RYR2: variants seen among roughly 807,000 people sequenced by gnomAD.
RYR2 encodes the protein ryanodine receptor 2.
A neutral mutation model predicts 601.1 loss-of-function variants in RYR2; 227 were observed. The observed-to-expected ratio is 0.38, with a 90% CI of 0.34 to 0.42. The LOEUF (loss-of-function observed/expected upper bound fraction) is 0.42, where lower values mean the gene tolerates loss of function less well. Among genes scored for constraint, RYR2 ranks in the 10% least tolerant of loss-of-function variants. The pLI is 1.00. For missense variants in RYR2, 4,646 were observed against 6,156.5 expected, an observed-to-expected ratio of 0.75 and a Z score of 8.21; for synonymous variants, 2,223 against 2,175.1, an observed-to-expected ratio of 1.02 and a Z score of -0.61.
At chr1:237,214,970 C>A (rs1418711689) in intron 1 of RYR2, among the ~76,000 whole-genome samples, 1 of 152,092 alleles carries the variant, frequency 6.6e-6, no homozygotes, top group East Asian at 1.9e-4. Flanking sequence ...TGGTATTGAG[C>A]AGGAGAAAGG....
chr1:237,778,128 G>A (rs1315814081), intron 87 of RYR2, among the ~76,000 whole-genome samples: 2 of 152,142 alleles, frequency 1.3e-5, no homozygotes, highest in Non-Finnish European at 2.9e-5. Context: ...AAATTAATAA[G>A]CAAGTATTAC....
chr1:237,614,860 A>C lies in RYR2; in HGVS notation c.5715+17A>C, dbSNP rs143787660. On this transcript the variant is annotated intron_variant, in intron 37 of 104. Transcript: ENST00000366574. This position sits in a 1 kb window ranked among gnomAD's most constrained non-coding sequence, Gnocchi z 4.3. Reference sequence around the variant, plus strand: ...AAATTGCAGGTAATCAGAACAAGAGACTTGAGTGAATTTCAGAATTGCTAA... The same window carrying C: ...AAATTGCAGGTAATCAGAACAAGAGCCTTGAGTGAATTTCAGAATTGCTAA... 6.5e-7 allele frequency: 1 copy of C among 1,536,782 alleles called. No homozygotes were observed. Among genetic ancestry groups the C allele is most frequent in the East Asian group, 2.3e-5 (1 of 44,282 alleles).
intron 1 of RYR2, among the ~76,000 whole-genome samples, chr1:237,114,641 A>ATG (rs1558258898): frequency 1.3e-5 from 2 of 152,218 alleles, no homozygotes; most frequent in Non-Finnish European, 2.9e-5. Context: ...GGGATAGAGC[A>ATG]TGACTCCACT....
intron 73 of RYR2, among the ~76,000 whole-genome samples, chr1:237,720,331 G>T (rs1262458632): frequency 2.6e-5 from 4 of 152,080 alleles, no homozygotes; most frequent in African/African-American, 4.8e-5. Context: ...CAAATCATAT[G>T]ATTTTTAAAT....
chr1:237,544,460 T>C (rs539171676), intron 25 of RYR2, among the ~76,000 whole-genome samples: 64 of 152,312 alleles, frequency 4.2e-4, no homozygotes, highest in African/African-American at 1.4e-3. Flanking sequence ...TTTCCCATTT[T>C]GGTGGCTATA....
chr1:237,745,540 T>C (rs1051703617), intron 80 of RYR2, among the ~76,000 whole-genome samples: 1 of 152,134 alleles, frequency 6.6e-6, no homozygotes, highest in East Asian at 1.9e-4. Context: ...GGAATGCAGT[T>C]TCAGGGAGAT....
At chr1:237,250,784 T>C (rs1436232746) in intron 1 of RYR2, among the ~76,000 whole-genome samples, 1 of 152,196 alleles carries the variant, frequency 6.6e-6, no homozygotes, top group Non-Finnish European at 1.5e-5. Context: ...TAACTTCTTA[T>C]TTGATCTTTT....
intron 10 of RYR2, among the ~76,000 whole-genome samples, chr1:237,392,770 C>G (rs1196789760): frequency 6.6e-6 from 1 of 151,996 alleles, no homozygotes; most frequent in Admixed American, 6.6e-5. Context: ...TATTTGGGGC[C>G]TTTAGTTTGG....
chr1:237,698,554 C>G (rs2149024161), intron 63 of RYR2, among the ~76,000 whole-genome samples: 1 of 152,086 alleles, frequency 6.6e-6, no homozygotes, highest in Non-Finnish European at 1.5e-5. Context: ...ATTTTTGGTG[C>G]AATTAGAATG....
Position 237,590,671 on chromosome 1 carries a change from C to T in RYR2, c.3839C>T (p.Ser1280Phe), listed in dbSNP as rs759424061. ...AGAATAGACGGCACCATAGACAGTT[C>T]CCCATGTTTAAAGGTCACTCAGAAG... The part of the protein sequence containing the change: ...VTRIDGTIDS[S>F]PCLKVTQKSF... Residue 1280 changes from serine (S) to phenylalanine (F), a missense_variant, in exon 31 of 105, where the codon TCC (serine) becomes TTC (phenylalanine). By Grantham distance (155) the Ser-to-Phe change is radical. This residue lies in a region of RYR2 where 1,807 missense variants were observed against 2,088.1 expected (regional missense o/e 0.87). Transcript: ENST00000366574. 25 of 1,563,404 alleles carry T rather than the reference C, an allele frequency of 1.6e-5. No individual in the cohort carries two copies. Among genetic ancestry groups the T allele is most frequent in the Middle Eastern group, 1.7e-4 (1 of 5,800 alleles).
chr1:237,709,807 A>G (rs1688679723), intron 70 of RYR2, among the ~76,000 whole-genome samples: 1 of 152,230 alleles, frequency 6.6e-6, no homozygotes, highest in Non-Finnish European at 1.5e-5. Flanking sequence ...TTGACATTGC[A>G]TAAAGATGTA....
chr1:237,669,727 T>G lies in RYR2; in HGVS notation c.8590+1769T>G, dbSNP rs373768770. On this transcript the variant is annotated intron_variant, in intron 58 of 104. Coordinates refer to ENST00000366574, the MANE Select transcript of RYR2 (RefSeq NM_001035.3). ...AGAGACGCTCCTCACTTCCTAGATG[T>G]GATGGCGGCTGGGAAGAGGCGCTCC... Among the ~76,000 whole-genome samples the G allele has an allele frequency of 1.9e-3, 252 of 133,892 alleles. 1 individual carries two copies. Among genetic ancestry groups the G allele is most frequent in the East Asian group, 0.012 (53 of 4,456 alleles). The allele number at this position is 133,892 out of a possible 152,430, so 87.8% of individuals were successfully genotyped here. A position where few individuals can be genotyped will look rare whatever the true frequency, so the allele number is the denominator to read the frequency against.
chr1:237,083,343 A>G (rs1488621750), intron 1 of RYR2, among the ~76,000 whole-genome samples: 1 of 152,212 alleles, frequency 6.6e-6, no homozygotes, highest in African/African-American at 2.4e-5. Context: ...GTATGTGCTT[A>G]GTGGTTCTCA....
At chr1:237,683,148 G>A (rs1259405633) in intron 62 of RYR2, among the ~76,000 whole-genome samples, 2 of 152,182 alleles carry the variant, frequency 1.3e-5, no homozygotes, top group Admixed American at 1.3e-4. Context: ...AACTGGCCCT[G>A]CCACTATGAA....
intron 1 of RYR2, among the ~76,000 whole-genome samples, chr1:237,109,984 A>G (rs2485597): frequency 0.71 from 108,231 of 151,848 alleles, 39,388 homozygotes; most frequent in East Asian, 0.9. Context: ...TGTCAGTTGT[A>G]CCCCCTATGC....
At chr1:237,084,524 C>T (rs1482937833) in intron 1 of RYR2, among the ~76,000 whole-genome samples, 1 of 152,002 alleles carries the variant, frequency 6.6e-6, no homozygotes, top group Non-Finnish European at 1.5e-5. Context: ...GTTGTTATTG[C>T]TTTAATTCAC....
In RYR2 at chr1:237,496,496, C is replaced by A. The variant is rs1407220943; in HGVS notation, c.1962-15C>A. 1 of 1,608,520 alleles carries A rather than the reference C, an allele frequency of 6.2e-7. No homozygotes were observed. Among genetic ancestry groups the A allele is most frequent in the African/African-American group, 1.3e-5 (1 of 74,768 alleles). On this transcript the variant is annotated splice_polypyrimidine_tract_variant and intron_variant, in intron 19 of 104. Coordinates refer to ENST00000366574, the MANE Select transcript of RYR2 (RefSeq NM_001035.3). ...TTTTGGACTTTCCTTACATGTGATT[C>A]CCGTCTCTTTAAAGCATGAGACCCA...
At chr1:237,137,261 G>T (rs185526762) in intron 1 of RYR2, among the ~76,000 whole-genome samples, 1 of 152,234 alleles carries the variant, frequency 6.6e-6, no homozygotes, top group Admixed American at 6.5e-5. Context: ...TGACAGTGGG[G>T]CATGGTACTT....
intron 94 of RYR2, 24 bp downstream of exon 94, chr1:237,792,347 AC>A: frequency 7.0e-7 from 1 of 1,426,358 alleles, no homozygotes; most frequent in Non-Finnish European, 9.6e-7. Flanking sequence ...GCACCAAGGT[AC>A]CTGTGTGTGT....
Sources: gnomAD v4.1 joint callset for allele counts (sites outside exome capture counted in the v4.1 genomes callset) on GRCh38, gnomAD v4.1.1 for gene constraint, gnomAD v4.1.1 regional missense constraint, Gnocchi (gnomAD v3.1) non-coding constraint, MANE v1.5 for transcripts, NCBI Gene and HGNC (gene_info 2026-07-23, HGNC 2026-07-21) for gene names.